NUDCD1: variants seen among roughly 807,000 people sequenced by gnomAD.
NUDCD1 encodes NudC domain containing 1, also known as nudC domain-containing protein 1.
NUDCD1 carries 60 observed loss-of-function variants against 67.8 expected under a neutral mutation model. The observed-to-expected ratio is 0.88, with a 90% CI of 0.72 to 1.10. The LOEUF is 1.10. NUDCD1 is among the 50% of genes least tolerant of loss of function. The pLI is 0.00. For synonymous variants in NUDCD1, 244 were observed against 230.8 expected, an observed-to-expected ratio of 1.06 and a Z score of -0.52; for missense variants, 643 against 695.0, an observed-to-expected ratio of 0.93 and a Z score of 0.84.
intron 3 of NUDCD1, 37 bp from the exon 4 acceptor site, chr8:109,293,561 T>C: frequency 8.4e-7 from 1 of 1,191,600 alleles, no homozygotes; most frequent in Non-Finnish European, 1.2e-6. Context: ...AAAGTGTACA[T>C]AATTACATGA....
At chr8:109,284,164 T>C (rs1212353091) in intron 5 of NUDCD1, among the ~76,000 whole-genome samples, 1 of 152,052 alleles carries the variant, frequency 6.6e-6, no homozygotes, top group African/African-American at 2.4e-5. Context: ...TAAAACAGAC[T>C]TTAAACCAAC....
At chr8:109,320,946 T>C (rs977125235) in intron 2 of NUDCD1, among the ~76,000 whole-genome samples, 3 of 152,140 alleles carry the variant, frequency 2.0e-5, no homozygotes, top group Non-Finnish European at 4.4e-5. Context: ...ATAAAGACAT[T>C]GCAGGGGAAA....
chr8:109,295,626 T>C (rs914190228), intron 3 of NUDCD1, among the ~76,000 whole-genome samples: 1 of 152,140 alleles, frequency 6.6e-6, no homozygotes. Context: ...GTTGGTCAGA[T>C]GAAATTATTT....
In NUDCD1 at chr8:109,271,008, A is replaced by G. The variant is rs200941734; in HGVS notation, c.1296T>C (p.His432=). The change falls in exon 8 of 10, where the codon CAT becomes CAC. Residue 432 remains histidine, a synonymous_variant. Coordinates refer to ENST00000239690, the MANE Select transcript of NUDCD1 (RefSeq NM_032869.4). ...AATATTAATATCAGTAACTTACCAC[A>G]TGAGTAGTTTTTAATGTATTGCCAT... ...RFDGNTLKTT[H]VVNLGSNQYL... The G allele has an allele frequency of 9.5e-6, 15 of 1,573,870 alleles. No individual in the cohort carries two copies. The African/African-American group carries it at 1.5e-4, about 16-fold the overall frequency.
At chr8:109,297,420 A>C (rs772996756) in intron 2 of NUDCD1, among the ~76,000 whole-genome samples, 4 of 152,164 alleles carry the variant, frequency 2.6e-5, no homozygotes, top group African/African-American at 4.8e-5. Context: ...CTAATCACCA[A>C]AGTGATGTTA....
intron 1 of NUDCD1, among the ~76,000 whole-genome samples, chr8:109,332,733 C>T (rs1214284807): frequency 6.6e-6 from 1 of 152,130 alleles, no homozygotes; most frequent in Non-Finnish European, 1.5e-5. Context: ...ATGGTGATAC[C>T]ATCTACTGAC....
intron 8 of NUDCD1, among the ~76,000 whole-genome samples, chr8:109,252,419 ACT>A (rs1813642292): frequency 6.6e-6 from 1 of 151,432 alleles, no homozygotes; most frequent in Non-Finnish European, 1.5e-5. Context: ...AAGATTTGAC[ACT>A]CTTCCCTCAG....
intron 3 of NUDCD1, among the ~76,000 whole-genome samples, chr8:109,295,830 G>A (rs892567811): frequency 6.6e-6 from 1 of 151,954 alleles, no homozygotes; most frequent in Non-Finnish European, 1.5e-5. Flanking sequence ...TAGTTCTAGA[G>A]AAATTAATTC....
intron 8 of NUDCD1, among the ~76,000 whole-genome samples, chr8:109,261,490 C>T (rs1488662467): frequency 6.6e-6 from 1 of 152,050 alleles, no homozygotes; most frequent in Admixed American, 6.6e-5. Context: ...ATTATGATTC[C>T]ATTCATAGAG....
chr8:109,313,842 G>C (rs746098462), intron 2 of NUDCD1: 100 of 1,118,148 alleles, frequency 8.9e-5, no homozygotes, highest in Admixed American at 4.6e-5. Context: ...TTATCAATCA[G>C]ATAAATGGGT....
At chr8:109,270,386 C>T (rs1198414495) in intron 8 of NUDCD1, among the ~76,000 whole-genome samples, 1 of 148,726 alleles carries the variant, frequency 6.7e-6, no homozygotes, top group African/African-American at 2.5e-5. Context: ...AATGATCAAA[C>T]AAAAGTGAAG....
At chr8:109,269,497 A>T (rs1307836433) in intron 8 of NUDCD1, among the ~76,000 whole-genome samples, 1 of 152,194 alleles carries the variant, frequency 6.6e-6, no homozygotes, top group African/African-American at 2.4e-5. Context: ...CCTTTTAGTC[A>T]GTAAAATGTT....
intron 5 of NUDCD1, among the ~76,000 whole-genome samples, chr8:109,281,453 C>T (rs1465273042): frequency 2.6e-5 from 4 of 152,058 alleles, no homozygotes; most frequent in Non-Finnish European, 4.4e-5. Flanking sequence ...TTCCCTCTCT[C>T]CCTCCCTTCC....
intron 8 of NUDCD1, among the ~76,000 whole-genome samples, chr8:109,252,273 C>T (rs567531013): frequency 6.6e-6 from 1 of 152,238 alleles, no homozygotes; most frequent in African/African-American, 2.4e-5. Flanking sequence ...AGAGATACTG[C>T]CCTCCTCCAG....
At chr8:109,312,049 T>G (rs1815266514) in intron 2 of NUDCD1, among the ~76,000 whole-genome samples, 1 of 152,100 alleles carries the variant, frequency 6.6e-6, no homozygotes, top group South Asian at 2.1e-4. Context: ...ATGCCTATAA[T>G]CTCAGCACTT....
At chr8:109,249,251 T>C (rs1439132881) in intron 8 of NUDCD1, among the ~76,000 whole-genome samples, 1 of 152,176 alleles carries the variant, frequency 6.6e-6, no homozygotes, top group Non-Finnish European at 1.5e-5. Flanking sequence ...TAATAAGTAT[T>C]AATGTTAATT....
intron 1 of NUDCD1, among the ~76,000 whole-genome samples, chr8:109,328,899 T>C (rs1226215619): frequency 6.6e-6 from 1 of 152,020 alleles, no homozygotes; most frequent in Non-Finnish European, 1.5e-5. Context: ...ACAAAATCCA[T>C]AATGAAGAGA....
At chr8:109,247,939 C>T (rs1375207355) in intron 8 of NUDCD1, among the ~76,000 whole-genome samples, 1 of 151,996 alleles carries the variant, frequency 6.6e-6, no homozygotes, top group Non-Finnish European at 1.5e-5. Context: ...GAATAAGTTA[C>T]CTTATATAGC....
At chr8:109,261,142 AT>A (rs1813856111) in intron 8 of NUDCD1, among the ~76,000 whole-genome samples, 1 of 152,072 alleles carries the variant, frequency 6.6e-6, no homozygotes, top group Non-Finnish European at 1.5e-5. Flanking sequence ...TAGATAACTG[AT>A]TAAATTATAG....
Sources: gnomAD v4.1 joint callset for allele counts (sites outside exome capture counted in the v4.1 genomes callset) on GRCh38, gnomAD v4.1.1 for gene constraint, MANE v1.5 for transcripts, NCBI Gene and HGNC (gene_info 2026-07-23, HGNC 2026-07-21) for gene names.